Variants in NTM observed in about 807,000 individuals in gnomAD.
NTM encodes neurotrimin.
NTM carries 13 observed loss-of-function variants against 42.1 expected under a neutral mutation model. The observed-to-expected ratio is 0.31, with a 90% CI of 0.20 to 0.49. The LOEUF is 0.49. Ranked by LOEUF, NTM falls within the 20% of genes least tolerant of loss-of-function variation. The pLI, the probability that NTM is intolerant of heterozygous loss-of-function variation, is 0.99. For synonymous variants in NTM, 187 were observed against 179.2 expected, an observed-to-expected ratio of 1.04 and a Z score of -0.35; for missense variants, 373 against 452.8, an observed-to-expected ratio of 0.82 and a Z score of 1.60.
intron 1 of NTM, among the ~76,000 whole-genome samples, chr11:131,543,089 G>T (rs2053497075): frequency 6.6e-6 from 1 of 152,212 alleles, no homozygotes; most frequent in Non-Finnish European, 1.5e-5. Flanking sequence ...TCTTAGCAGA[G>T]TGAACGTATC....
rs778598364 is a variant in NTM, at chr11:131,911,432, G to A, written c.83-132G>A. The A allele has an allele frequency of 7.4e-6, 12 of 1,613,028 alleles. No homozygotes were observed. In the South Asian group the frequency reaches 1.2e-4, roughly 16 times the overall value. On this transcript the variant is annotated intron_variant, in intron 1 of 8. Transcript: ENST00000683400. ...ACCCACTTCCTGTGCTCGCCCGGGG[G>A]GCGTGTGCCGTGCGGCTGCCGGAGT...
chr11:132,005,379 A>C (rs1363756019), intron 2 of NTM, among the ~76,000 whole-genome samples: 1 of 152,142 alleles, frequency 6.6e-6, no homozygotes, highest in Non-Finnish European at 1.5e-5. Flanking sequence ...CATTGTCTTT[A>C]CTGGATGGTA....
chr11:132,165,260 T>C (rs943226894), intron 3 of NTM, among the ~76,000 whole-genome samples: 1 of 152,196 alleles, frequency 6.6e-6, no homozygotes, highest in African/African-American at 2.4e-5. Flanking sequence ...TCAGCAGTCT[T>C]GGAGTGGTAA....
chr11:131,975,595 C>T (rs192813997), intron 2 of NTM, among the ~76,000 whole-genome samples: 18 of 152,246 alleles, frequency 1.2e-4, no homozygotes, highest in Middle Eastern at 6.8e-3. Flanking sequence ...TAAGGGCCTA[C>T]GTGAATGAAT....
intron 1 of NTM, among the ~76,000 whole-genome samples, chr11:131,706,444 A>T (rs2076600822): frequency 6.6e-6 from 1 of 152,070 alleles, no homozygotes; most frequent in Admixed American, 6.5e-5. Context: ...AAAATCAATA[A>T]GGAAACAATG....
At position 132,175,374 on chromosome 11, in the gene NTM, C is replaced by A. The variant is rs1048806297; in HGVS notation, c.400+28860C>A. The stretch of plus-strand genomic sequence containing the variant: ...TCCTGCTCTCCACGCTGCACCAGCT[C>A]CATAAGCATTAGCACCCCAAATTTG... On this transcript the variant is annotated intron_variant, in intron 3 of 8. Coordinates refer to ENST00000683400, the MANE Select transcript of NTM (RefSeq NM_001352005.2). 2.6e-5 allele frequency among the ~76,000 whole-genome samples: 4 copies of A among 152,128 alleles called. No homozygotes were observed. In the South Asian group the frequency reaches 8.3e-4, roughly 32 times the overall value.
chr11:131,903,961 A>G (rs1255289153), intron 1 of NTM, among the ~76,000 whole-genome samples: 1 of 152,114 alleles, frequency 6.6e-6, no homozygotes, highest in Non-Finnish European at 1.5e-5. Flanking sequence ...TTTTTTGACA[A>G]ACAAAGGAGC....
chr11:131,897,852 G>A (rs2052552323), intron 1 of NTM, among the ~76,000 whole-genome samples: 2 of 152,124 alleles, frequency 1.3e-5, no homozygotes, highest in Non-Finnish European at 2.9e-5. Flanking sequence ...AGATATTAAA[G>A]GTTAACAGAA....
chr11:131,960,472 C>T (rs888793326), intron 2 of NTM, among the ~76,000 whole-genome samples: 1 of 152,158 alleles, frequency 6.6e-6, no homozygotes, highest in South Asian at 2.1e-4. Context: ...GGAAGGGAAT[C>T]GGGGAGACAA....
chr11:131,923,486 GTGTT>G (rs2057513045), intron 2 of NTM, among the ~76,000 whole-genome samples: 1 of 152,152 alleles, frequency 6.6e-6, no homozygotes, highest in African/African-American at 2.4e-5. Flanking sequence ...GTGAGCTGGC[GTGTT>G]TGTTTTCTAG....
intron 1 of NTM, among the ~76,000 whole-genome samples, chr11:131,798,146 G>A (rs1482976505): frequency 6.6e-6 from 1 of 152,168 alleles, no homozygotes; most frequent in East Asian, 1.9e-4. Flanking sequence ...GTAATAATGG[G>A]TGTCAGGGTA....
intron 2 of NTM, among the ~76,000 whole-genome samples, chr11:132,069,593 CA>C (rs1482192732): frequency 1.3e-5 from 2 of 151,018 alleles, no homozygotes; most frequent in Non-Finnish European, 2.9e-5. Flanking sequence ...GTTAACACGT[CA>C]CACAGACAAG....
At chr11:132,116,427 G>A (rs906390660) in intron 2 of NTM, among the ~76,000 whole-genome samples, 6 of 152,236 alleles carry the variant, frequency 3.9e-5, no homozygotes, top group Non-Finnish European at 5.9e-5. Context: ...GCCAGAGGGA[G>A]AGGAAGCCTG....
intron 4 of NTM, among the ~76,000 whole-genome samples, chr11:132,297,052 A>G (rs1370838530): frequency 3.9e-5 from 6 of 152,188 alleles, no homozygotes; most frequent in African/African-American, 9.7e-5. Flanking sequence ...TCCTACTCCA[A>G]TAGGCTTCCT....
intron 1 of NTM, among the ~76,000 whole-genome samples, chr11:131,752,566 G>A (rs1012755738): frequency 2.0e-5 from 3 of 152,082 alleles, no homozygotes; most frequent in East Asian, 1.9e-4. Context: ...TATAAATCAC[G>A]TTGCTATAAA....
chr11:131,829,648 T>A (rs184542282), intron 1 of NTM, among the ~76,000 whole-genome samples: 1 of 152,194 alleles, frequency 6.6e-6, no homozygotes, highest in Non-Finnish European at 1.5e-5. Flanking sequence ...AAGAAATATA[T>A]GTGTGAATGC....
intron 5 of NTM, among the ~76,000 whole-genome samples, chr11:132,308,252 A>G (rs553279897): frequency 7.2e-5 from 11 of 152,330 alleles, no homozygotes; most frequent in African/African-American, 2.6e-4. Flanking sequence ...GGAAGTTTCA[A>G]ACTTCCATTT....
chr11:131,915,649 A>G (rs1373349545), intron 2 of NTM, among the ~76,000 whole-genome samples: 16 of 152,214 alleles, frequency 1.1e-4, no homozygotes, highest in Admixed American at 1.0e-3. Context: ...AAGACTGGGT[A>G]ATTTATAGAG....
At chr11:132,063,235 T>A (rs1411321303) in intron 2 of NTM, among the ~76,000 whole-genome samples, 2 of 152,118 alleles carry the variant, frequency 1.3e-5, no homozygotes, top group African/African-American at 4.8e-5. Context: ...TCCGAAATGC[T>A]CCTCCTCCAA....
Sources: gnomAD v4.1 joint callset for allele counts (sites outside exome capture counted in the v4.1 genomes callset) on GRCh38, gnomAD v4.1.1 for gene constraint, MANE v1.5 for transcripts, NCBI Gene and HGNC (gene_info 2026-07-23, HGNC 2026-07-21) for gene names.